The following MELK variants were observed in gnomAD, a reference collection of about 807,000 sequenced individuals.
The protein encoded by MELK is maternal embryonic leucine zipper kinase.
In MELK, 81 loss-of-function variants were observed where a neutral mutation model predicts 85.0. That is an observed-to-expected ratio of 0.95 (90% CI 0.80 to 1.15). MELK has a LOEUF of 1.15. MELK is among the 50% of genes most tolerant of loss of function. The probability of loss-of-function intolerance (pLI) is 0.00; values close to 1 mark genes in which losing one functional copy is unlikely to be tolerated. For synonymous variants in MELK, 252 were observed against 265.0 expected, an observed-to-expected ratio of 0.95 and a Z score of 0.48; for missense variants, 754 against 777.5, an observed-to-expected ratio of 0.97 and a Z score of 0.36.
At chr9:36,642,909 A>G (rs919641563) in intron 10 of MELK, 88 bp from the exon 11 acceptor site, 2 of 907,874 alleles carry the variant, frequency 2.2e-6, no homozygotes, top group Non-Finnish European at 3.3e-6. Flanking sequence ...ATTTGATTGT[A>G]TAAAGTAATT....
chr9:36,666,884 TGTGTGTGTGTGTGTGTGTGTGTGATG>T (rs1832403712), intron 14 of MELK, among the ~76,000 whole-genome samples: 2 of 149,834 alleles, frequency 1.3e-5, no homozygotes, highest in Non-Finnish European at 1.5e-5. Flanking sequence ...TGTGTGTGTG[TGTGTGTGTGTGTGTGTGTGTGTGATG>T]GTGTGTGTGT....
chr9:36,589,920 GTTTT>G (rs566073692), intron 4 of MELK, among the ~76,000 whole-genome samples: 1 of 125,804 alleles, frequency 7.9e-6, no homozygotes, highest in Admixed American at 8.2e-5. Context: ...ACTCATTCTA[GTTTT>G]TTTTTTTTTT....
At chr9:36,647,111 A>G (rs760150498) in intron 11 of MELK, among the ~76,000 whole-genome samples, 1 of 152,206 alleles carries the variant, frequency 6.6e-6, no homozygotes, top group Non-Finnish European at 1.5e-5. Flanking sequence ...ACTGGCCAGA[A>G]AGTTATGAAA....
Position 36,677,303 on chromosome 9 carries a change from T to C in MELK, c.1922T>C (p.Leu641Ser). The C allele has an allele frequency of 6.2e-7, 1 of 1,613,738 alleles. No individual in the cohort carries two copies. Among genetic ancestry groups the C allele is most frequent in the South Asian group, 1.1e-5 (1 of 90,918 alleles). The part of the protein sequence containing the change: ...LKGDAWVYKR[L>S]VEDILSSCKV ...GGCGATGCCTGGGTTTACAAAAGAT[T>C]AGTGGAAGACATCCTATCTAGCTGC... Residue 641 changes from leucine (L) to serine (S), a missense_variant, in exon 18 of 18, where the codon TTA becomes TCA. Coordinates refer to ENST00000298048, the MANE Select transcript of MELK (RefSeq NM_014791.4).
chr9:36,658,883 A>ATTT (rs537014195), intron 13 of MELK, among the ~76,000 whole-genome samples: 1 of 95,842 alleles, frequency 1.0e-5, no homozygotes, highest in Non-Finnish European at 2.3e-5. Flanking sequence ...TTTTTTTTCT[A>ATTT]TTTTTTTTTT....
At chr9:36,593,124 T>C (rs1823802873) in intron 4 of MELK, among the ~76,000 whole-genome samples, 1 of 152,172 alleles carries the variant, frequency 6.6e-6, no homozygotes, top group Non-Finnish European at 1.5e-5. Flanking sequence ...ATCTATAGTC[T>C]TAATAACTTA....
chr9:36,607,445 T>A, intron 7 of MELK, 130 bp from the exon 8 acceptor site: 1 of 701,124 alleles, frequency 1.4e-6, no homozygotes, highest in Admixed American at 2.5e-5. Context: ...AATAAGCAGG[T>A]TGAAATGGTT....
At chr9:36,634,719 G>C (rs947669541) in intron 10 of MELK, among the ~76,000 whole-genome samples, 2 of 151,832 alleles carry the variant, frequency 1.3e-5, no homozygotes, top group Admixed American at 6.6e-5. Flanking sequence ...AAGAAAAGAG[G>C]CTGGGTGCAG....
At position 36,607,596 on chromosome 9, in the gene MELK, A is replaced by T. The variant is rs1376320612; in HGVS notation, c.589A>T (p.Ile197Leu). 1.2e-6 allele frequency: 2 copies of T among 1,612,512 alleles called. No individual in the cohort carries two copies. The highest frequency in any genetic ancestry group is 1.7e-6 in the Non-Finnish European group (2 of 1,178,650). Reference sequence around the variant, plus strand: ...TCAGGCAGATGTTTGGAGCATGGGCATACTGTTATATGTTCTTATGTGTGG... The same window carrying T: ...TCAGGCAGATGTTTGGAGCATGGGCTTACTGTTATATGTTCTTATGTGTGG... ...GSEADVWSMG[I>L]LLYVLMCGFL... is the part of the protein sequence containing the mutation. The change falls in exon 8 of 18, where the codon ATA (isoleucine) becomes TTA (leucine). Residue 197 changes from isoleucine (I) to leucine (L), a missense_variant. By Grantham distance (5) the Ile-to-Leu change is conservative. Coordinates refer to ENST00000298048, the MANE Select transcript of MELK (RefSeq NM_014791.4).
chr9:36,616,411 G>A (rs1293727321), intron 8 of MELK, among the ~76,000 whole-genome samples: 1 of 117,078 alleles, frequency 8.5e-6, no homozygotes, highest in African/African-American at 3.5e-5. Flanking sequence ...TTTTTTTAAG[G>A]CAGAGCCTTA....
Position 36,677,179 on chromosome 9 carries a change from A to C in MELK, c.1798A>C (p.Thr600Pro). 6.2e-7 allele frequency: 1 copy of C among 1,613,860 alleles called. No homozygotes were observed. Residue 600 changes from threonine (T) to proline (P), a missense_variant, in exon 18 of 18, where the codon ACA becomes CCA. Physicochemically the swap from Thr to Pro is conservative, Grantham distance 38. Transcript: ENST00000298048. The part of the protein sequence containing the change: ...VQKGYTLKCQ[T>P]QSDFGKVTMQ... Reference sequence around the variant, plus strand: ...TCACAGTTATACACTGAAGTGTCAAACACAGTCAGATTTTGGGAAAGTGAC... The same window carrying C: ...TCACAGTTATACACTGAAGTGTCAACCACAGTCAGATTTTGGGAAAGTGAC...
chr9:36,609,491 A>G (rs1269161489), intron 8 of MELK, among the ~76,000 whole-genome samples: 1 of 141,482 alleles, frequency 7.1e-6, no homozygotes, highest in East Asian at 2.0e-4. Flanking sequence ...TGTGTCACCC[A>G]GGCTGAAGTG....
At chr9:36,644,927 G>T (rs1830090540) in intron 11 of MELK, among the ~76,000 whole-genome samples, 1 of 151,404 alleles carries the variant, frequency 6.6e-6, no homozygotes, top group Non-Finnish European at 1.5e-5. Flanking sequence ...GTTTATCCAG[G>T]ACAAATTGGT....
chr9:36,657,438 C>T (rs1831365010), intron 13 of MELK, 75 bp downstream of exon 13: 13 of 1,467,834 alleles, frequency 8.9e-6, no homozygotes, highest in Non-Finnish European at 1.0e-5. Context: ...AATGTGAAAC[C>T]AAGGTGTGCT....
chr9:36,648,540 C>T (rs1032559098), intron 11 of MELK, among the ~76,000 whole-genome samples: 2 of 151,540 alleles, frequency 1.3e-5, no homozygotes, highest in South Asian at 2.1e-4. Context: ...AGCTCAGATG[C>T]GGATGATGAA....
intron 8 of MELK, among the ~76,000 whole-genome samples, chr9:36,615,285 CA>C (rs1826536046): frequency 1.6e-5 from 2 of 124,542 alleles, no homozygotes. Context: ...CACGGCTGGC[CA>C]GGCGGGGGGC....
In MELK at chr9:36,657,269, C is replaced by T; in HGVS notation, c.1082C>T (p.Thr361Ile). The stretch of plus-strand genomic sequence containing the variant: ...AATAATTGGAGTCTGGAAGATGTGA[C>T]CGCAAGTGATAAAAATTATGTGGCG... ...KSNNWSLEDVTASDKNYVAGL... is the reference protein window; with the variant it reads ...KSNNWSLEDVIASDKNYVAGL... Residue 361 changes from threonine (T) to isoleucine (I), a missense_variant, in exon 13 of 18, where the codon ACC (threonine) becomes ATC (isoleucine). By Grantham distance (89) the Thr-to-Ile change is moderately conservative (BLOSUM62 -1). Transcript: ENST00000298048. The T allele has an allele frequency of 6.2e-7, 1 of 1,613,180 alleles. No homozygotes were observed. Among genetic ancestry groups the T allele is most frequent in the Non-Finnish European group, 8.5e-7 (1 of 1,179,762 alleles).
intron 4 of MELK, among the ~76,000 whole-genome samples, chr9:36,593,199 A>G (rs919005150): frequency 9.0e-6 from 1 of 111,678 alleles, no homozygotes; most frequent in African/African-American, 3.5e-5. Context: ...TTTTTTAATT[A>G]TTGCCTAGAA....
Position 36,645,713 on chromosome 9 carries a change from G to T in MELK, c.921+2630G>T, listed in dbSNP as rs77083417. ...CAACCCCACAGATGATGATTCAGTT[G>T]GTCTAGGGTATAGCCGAGGCATGAG... On this transcript the variant is annotated intron_variant, in intron 11 of 17. Transcript: ENST00000298048. Among the ~76,000 whole-genome samples, 813 of 152,228 alleles carry T rather than the reference G, an allele frequency of 5.3e-3. 6 individuals are homozygous for T. Among genetic ancestry groups the T allele is most frequent in the African/African-American group, 0.017 (703 of 41,542 alleles).
Sources: gnomAD v4.1 joint callset for allele counts (sites outside exome capture counted in the v4.1 genomes callset) on GRCh38, gnomAD v4.1.1 for gene constraint, MANE v1.5 for transcripts, NCBI Gene and HGNC (gene_info 2026-07-23, HGNC 2026-07-21) for gene names.